The following PLIN5 variants were observed in gnomAD, a reference collection of about 807,000 sequenced individuals.
The protein encoded by PLIN5 is perilipin-5.
A neutral mutation model predicts 32.8 loss-of-function variants in PLIN5; 34 were observed. The ratio of observed to expected loss-of-function variants is 1.04; its 90% CI spans 0.79 to 1.38. The LOEUF (loss-of-function observed/expected upper bound fraction) is 1.38. Ranked by LOEUF, PLIN5 falls within the 40% of genes most tolerant of loss-of-function variation. The pLI, the probability that PLIN5 is intolerant of heterozygous loss-of-function variation, is 0.00. For synonymous variants in PLIN5, 309 were observed against 292.9 expected (o/e 1.05, Z -0.56); for missense variants, 712 against 660.5 (o/e 1.08, Z -0.85).
chr19:4,523,794 C>A lies in PLIN5; in HGVS notation c.1126G>T (p.Gly376Ter). 1 of 1,597,046 alleles carries A rather than the reference C, an allele frequency of 6.3e-7. No individual in the cohort carries two copies. Among genetic ancestry groups the A allele is most frequent in the East Asian group, 2.2e-5 (1 of 44,786 alleles). ...VQAVPLPWLV[G>*]PFAPILVERP... ...TCCACAAGGATGGGCGCGAAGGGTC[C>A]CACCAGCCAGGGCAGCGGCACGGCC... The change falls in exon 8 of 8, where the codon GGA becomes TGA. Residue 376 changes from glycine (G) to a stop codon, truncating the protein, a stop_gained. Transcript: ENST00000381848. LOFTEE classifies it low-confidence loss of function (END_TRUNC). The surrounding 1 kb of genome is among the most constrained non-coding windows in gnomAD (Gnocchi z 5.0).
rs375019759 is a variant in PLIN5, at chr19:4,525,612, G to C, written c.720+21C>G. 6.8e-5 allele frequency: 109 copies of C among 1,610,376 alleles called. No homozygotes were observed. The highest frequency in any genetic ancestry group is 9.2e-5 in the Non-Finnish European group (108 of 1,179,852). On this transcript the variant is annotated intron_variant, in intron 6 of 7. Coordinates refer to ENST00000381848, the MANE Select transcript of PLIN5 (RefSeq NM_001013706.3). This position sits in a 1 kb window ranked among gnomAD's most constrained non-coding sequence, Gnocchi z 5.6. ...CTGATTGGCCTGCATCCCGGAGCAG[G>C]GGCGGGCAGCGGGCTCTCACCAGCT...
At position 4,523,953 on chromosome 19, in the gene PLIN5, C is replaced by T; in HGVS notation, c.967G>A (p.Val323Met). 1 of 1,528,530 alleles carries T rather than the reference C, an allele frequency of 6.5e-7. No homozygotes were observed. The highest frequency in any genetic ancestry group is 1.2e-5 in the South Asian group (1 of 82,744). The allele number at this position is 1,528,530 out of a possible 1,614,324, so 94.7% of individuals were successfully genotyped here. Reference sequence around the variant, plus strand: ...GCGAAGGCGGTCTGCAGGGCATCCACACTGCGCCGCACCTCAGCCACCTTC... The same window carrying T: ...GCGAAGGCGGTCTGCAGGGCATCCATACTGCGCCGCACCTCAGCCACCTTC... Reference protein sequence around the residue: ...QEKVAEVRRSVDALQTAFADA... With the variant: ...QEKVAEVRRSMDALQTAFADA... Residue 323 changes from valine (V) to methionine (M), a missense_variant, in exon 8 of 8, where the codon GTG (valine) becomes ATG (methionine). Physicochemically the swap from Val to Met is conservative, Grantham distance 21 (BLOSUM62 1). Coordinates refer to ENST00000381848, the MANE Select transcript of PLIN5 (RefSeq NM_001013706.3). The surrounding 1 kb of genome is among the most constrained non-coding windows in gnomAD (Gnocchi z 5.0).
chr19:4,526,946 TATATC>T (rs1054658949), intron 5 of PLIN5, among the ~76,000 whole-genome samples: 1 of 149,678 alleles, frequency 6.7e-6, no homozygotes, highest in African/African-American at 2.5e-5. Flanking sequence ...ATAAAAAGAA[TATATC>T]ATAGTCCAGG....
intron 2 of PLIN5, chr19:4,533,009 C>T (rs144097683): frequency 6.6e-6 from 1 of 152,044 alleles, no homozygotes; most frequent in East Asian, 1.9e-4. Flanking sequence ...TGAAAAAGGT[C>T]TGCATACTTC....
chr19:4,533,098 C>CT (rs547925654), intron 2 of PLIN5: 20,943 of 141,312 alleles, frequency 0.15, 2,231 homozygotes, highest in African/African-American at 0.3. Flanking sequence ...CCCCACCTGG[C>CT]TTTTTTTTTT....
intron 3 of PLIN5, among the ~76,000 whole-genome samples, chr19:4,531,159 C>T (rs1976879134): frequency 6.6e-6 from 1 of 151,908 alleles, no homozygotes; most frequent in African/African-American, 2.4e-5. Context: ...TGCCACCACA[C>T]CGGGCCAAGT....
intron 7 of PLIN5, 98 bp from the exon 8 acceptor site, chr19:4,524,183 C>T: frequency 8.1e-7 from 1 of 1,232,514 alleles, no homozygotes; most frequent in Non-Finnish European, 1.1e-6. Flanking sequence ...AGCTGTCAAC[C>T]TGTCTCATAG....
chr19:4,534,070 G>T lies in PLIN5; in HGVS notation c.5C>A (p.Ser2Tyr). ...GGGGATCTGAGCCGCCTCTTCTTCAGACATCGTGCTGCAAACAGGGTCACC... is the reference window on the plus strand; with the variant it reads ...GGGGATCTGAGCCGCCTCTTCTTCATACATCGTGCTGCAAACAGGGTCACC... Reference protein sequence around the residue: MSEEEAAQIPRS... With the variant: MYEEEAAQIPRS... The change falls in exon 2 of 8, where the codon TCT becomes TAT. Residue 2 changes from serine to tyrosine, a missense_variant. By Grantham distance (144) the Ser-to-Tyr change is moderately radical. Coordinates refer to ENST00000381848, the MANE Select transcript of PLIN5 (RefSeq NM_001013706.3). 6.2e-7 allele frequency: 1 copy of T among 1,612,816 alleles called. No homozygotes were observed. Among genetic ancestry groups the T allele is most frequent in the Non-Finnish European group, 8.5e-7 (1 of 1,179,462 alleles).
chr19:4,525,750 G>A lies in PLIN5; in HGVS notation c.603C>T (p.Leu201=), dbSNP rs201376213. The change falls in exon 6 of 8, where the codon CTC becomes CTT. Residue 201 remains leucine (L), a synonymous_variant. Transcript: ENST00000381848. The surrounding 1 kb of genome is among the most constrained non-coding windows in gnomAD (Gnocchi z 5.6). ...QRRQQGYFVR[L]GSLSARIRHL... ...GGCGGATCCGTGCTGACAGGGAGCC[G>A]AGGCGCACAAAGTAGCCCTGCTGTC... The A allele has an allele frequency of 3.7e-5, 59 of 1,613,632 alleles. No individual in the cohort carries two copies. In the African/African-American group the frequency reaches 6.8e-4, roughly 19 times the overall value.
chr19:4,525,796 C>G lies in PLIN5; in HGVS notation c.557G>C (p.Gly186Ala). The G allele has an allele frequency of 6.2e-7, 1 of 1,613,222 alleles. No individual in the cohort carries two copies. Among genetic ancestry groups the G allele is most frequent in the Non-Finnish European group, 8.5e-7 (1 of 1,179,944 alleles). Residue 186 changes from glycine (G) to alanine (A), a missense_variant, in exon 6 of 8, where the codon GGT (glycine) becomes GCT (alanine). By Grantham distance (60) the Gly-to-Ala change is moderately conservative (BLOSUM62 0). Transcript: ENST00000381848. The surrounding 1 kb of genome is among the most constrained non-coding windows in gnomAD (Gnocchi z 5.6). ...LAAEAEGPEVGSVEDQRRQQG... is the reference protein window; with the variant it reads ...LAAEAEGPEVASVEDQRRQQG... ...CTGTCTCCTCTGATCCTCCACCGAA[C>G]CCACTTCAGGGCCTTCAGCCTCAGC...
chr19:4,526,927 T>G (rs906005488), intron 5 of PLIN5, among the ~76,000 whole-genome samples: 5 of 150,700 alleles, frequency 3.3e-5, no homozygotes, highest in Admixed American at 3.3e-4. Flanking sequence ...CAAGATATGG[T>G]GGAAAAAAAT....
chr19:4,533,973 C>T (rs1351067867), intron 2 of PLIN5, 42 bp downstream of exon 2: 2 of 1,596,836 alleles, frequency 1.3e-6, no homozygotes, highest in South Asian at 1.1e-5. Context: ...CTGTCCCACA[C>T]AATACCTTCT....
Position 4,525,558 on chromosome 19 carries a change from T to G in PLIN5, c.720+75A>C. 2 of 1,549,252 alleles carry G rather than the reference T, an allele frequency of 1.3e-6. No homozygotes were observed. Among genetic ancestry groups the G allele is most frequent in the Middle Eastern group, 1.8e-4 (1 of 5,434 alleles). ...CCTCCTGCTTTAGGCTAGCACGGGA[T>G]CCGGTATTCAGCTGGTGCTCAATCC... On this transcript the variant is annotated intron_variant, in intron 6 of 7. Transcript: ENST00000381848. This position sits in a 1 kb window ranked among gnomAD's most constrained non-coding sequence, Gnocchi z 5.6.
At position 4,523,728 on chromosome 19, in the gene PLIN5, C is replaced by T. The variant is rs567708298; in HGVS notation, c.1192G>A (p.Glu398Lys). 14 of 1,602,222 alleles carry T rather than the reference C, an allele frequency of 8.7e-6. No homozygotes were observed. Among genetic ancestry groups the T allele is most frequent in the Middle Eastern group, 1.7e-4 (1 of 6,060 alleles). ...CGGGGGTCAGGGCCCCCGATGACCTCGTCCACCAGGTCCGCCAGGTCGGGC... is the reference window on the plus strand; with the variant it reads ...CGGGGGTCAGGGCCCCCGATGACCTTGTCCACCAGGTCCGCCAGGTCGGGC... ...PLPDLADLVDEVIGGPDPRWA... is the reference protein window; with the variant it reads ...PLPDLADLVDKVIGGPDPRWA... The change falls in exon 8 of 8, where the codon GAG (glutamate) becomes AAG (lysine). Residue 398 changes from glutamate to lysine, a missense_variant. Physicochemically the swap from Glu to Lys is moderately conservative, Grantham distance 56. Coordinates refer to ENST00000381848, the MANE Select transcript of PLIN5 (RefSeq NM_001013706.3). The surrounding 1 kb of genome is among the most constrained non-coding windows in gnomAD (Gnocchi z 5.0).
Position 4,525,713 on chromosome 19 carries a change from C to T in PLIN5, c.640G>A (p.Glu214Lys), listed in dbSNP as rs553701503. Residue 214 changes from glutamate to lysine, a missense_variant, in exon 6 of 8, where the codon GAG becomes AAG. Glu to Lys is a moderately conservative substitution (Grantham distance 56). Transcript: ENST00000381848. This position sits in a 1 kb window ranked among gnomAD's most constrained non-coding sequence, Gnocchi z 5.6. ...TGCCTCAGTTTCCCCACAGAGTGCT[C>T]GTAGGCCAGGTGGCGGATCCGTGCT... is the stretch of plus-strand genomic sequence containing the variant. ...LSARIRHLAY[E>K]HSVGKLRQSK... 15 of 1,613,612 alleles carry T rather than the reference C, an allele frequency of 9.3e-6. No homozygotes were observed. Among genetic ancestry groups the T allele is most frequent in the Admixed American group, 1.7e-5 (1 of 60,002 alleles).
chr19:4,525,662 G>T lies in PLIN5; in HGVS notation c.691C>A (p.Leu231Met). 6.2e-7 allele frequency: 1 copy of T among 1,613,594 alleles called. No homozygotes were observed. The highest frequency in any genetic ancestry group is 1.1e-5 in the South Asian group (1 of 91,088). The change falls in exon 6 of 8, where the codon CTG becomes ATG. Residue 231 changes from leucine to methionine, a missense_variant. By Grantham distance (15) the Leu-to-Met change is conservative. Coordinates refer to ENST00000381848, the MANE Select transcript of PLIN5 (RefSeq NM_001013706.3). This position sits in a 1 kb window ranked among gnomAD's most constrained non-coding sequence, Gnocchi z 5.6. Reference protein sequence around the residue: ...RQSKHRAQDTLAQLQETLELI... With the variant: ...RQSKHRAQDTMAQLQETLELI... ...TCCAGCGTCTCCTGCAGCTGGGCCA[G>T]GGTGTCCTGGGCACGGTGTTTGCTC...
At position 4,523,387 on chromosome 19, in the gene PLIN5, AG is replaced by A. The variant is rs1976754574; in HGVS notation, c.*140del. ...AAAATGGGAGAGTCCAATACCAAAAAGGTGGTCAGAGATCCGGAGTTGGGCC... is the reference window on the plus strand; with the variant it reads ...AAAATGGGAGAGTCCAATACCAAAAAGTGGTCAGAGATCCGGAGTTGGGCC... On this transcript the variant is annotated 3_prime_UTR_variant, in exon 8 of 8. Transcript: ENST00000381848. The surrounding 1 kb of genome is among the most constrained non-coding windows in gnomAD (Gnocchi z 5.0). 2.1e-6 allele frequency: 2 copies of A among 956,516 alleles called. No individual in the cohort carries two copies. The highest frequency in any genetic ancestry group is 3.4e-5 in the African/African-American group (2 of 58,666). The allele number at this position is 956,516 out of a possible 1,614,324, so 59.3% of individuals were successfully genotyped here.
At chr19:4,526,056 G>T (rs1191751452) in intron 5 of PLIN5, among the ~76,000 whole-genome samples, 1 of 152,000 alleles carries the variant, frequency 6.6e-6, no homozygotes, top group African/African-American at 2.4e-5. Flanking sequence ...AGTTCCCCTT[G>T]ACTGACATCA....
In PLIN5 at chr19:4,525,576, C is replaced by T. The variant is rs1402612084; in HGVS notation, c.720+57G>A. On this transcript the variant is annotated intron_variant, in intron 6 of 7. Coordinates refer to ENST00000381848, the MANE Select transcript of PLIN5 (RefSeq NM_001013706.3). This position sits in a 1 kb window ranked among gnomAD's most constrained non-coding sequence, Gnocchi z 5.6. ...CACGGGATCCGGTATTCAGCTGGTG[C>T]TCAATCCATACTGATTGGCCTGCAT... The T allele has an allele frequency of 1.3e-6, 2 of 1,588,730 alleles. No individual in the cohort carries two copies. Among genetic ancestry groups the T allele is most frequent in the Non-Finnish European group, 1.7e-6 (2 of 1,167,010 alleles).
Sources: gnomAD v4.1 joint callset for allele counts (sites outside exome capture counted in the v4.1 genomes callset) on GRCh38, gnomAD v4.1.1 for gene constraint, Gnocchi (gnomAD v3.1) non-coding constraint, MANE v1.5 for transcripts, NCBI Gene and HGNC (gene_info 2026-07-23, HGNC 2026-07-21) for gene names.